TSPEAR: variants seen among roughly 807,000 people sequenced by gnomAD.
TSPEAR encodes the protein thrombospondin-type laminin G domain and EAR repeat-containing protein.
A neutral mutation model predicts 71.6 loss-of-function variants in TSPEAR; 69 were observed. The ratio of observed to expected loss-of-function variants is 0.96; its 90% CI spans 0.79 to 1.18. The LOEUF is 1.18. TSPEAR is among the 50% of genes most tolerant of loss of function. The pLI is 0.00. For missense variants in TSPEAR, 971 were observed against 894.9 expected (o/e 1.09, Z -1.09); for synonymous variants, 402 against 387.2 (o/e 1.04, Z -0.45).
chr21:44,612,417 C>G lies in TSPEAR; in HGVS notation c.83-44412G>C, dbSNP rs141295608. Reference sequence around the variant, plus strand: ...TGCTGCCAGCAGTCTAGCTGCCAGCCGGCTTGCTGCACCTCCTCCCCCTGC... The same window carrying G: ...TGCTGCCAGCAGTCTAGCTGCCAGCGGGCTTGCTGCACCTCCTCCCCCTGC... On this transcript the variant is annotated intron_variant, in intron 1 of 11. Coordinates refer to ENST00000323084, the MANE Select transcript of TSPEAR (RefSeq NM_144991.3). This position sits in a 1 kb window ranked among gnomAD's most constrained non-coding sequence, Gnocchi z 4.1. 6.8e-6 allele frequency: 11 copies of G among 1,613,998 alleles called. No homozygotes were observed. The South Asian group carries it at 1.2e-4, about 18-fold the overall frequency.
chr21:44,567,387 A>G (rs59200198), intron 2 of TSPEAR, among the ~76,000 whole-genome samples: 1 of 152,232 alleles, frequency 6.6e-6, no homozygotes, highest in African/African-American at 2.4e-5. Flanking sequence ...TTCACCTTCC[A>G]AACTAGTAGG....
At chr21:44,518,232 C>T (rs587769073) in intron 9 of TSPEAR, 1 of 439,440 alleles carries the variant, frequency 2.3e-6, no homozygotes, top group Non-Finnish European at 4.6e-6. Context: ...TTTCTTTCAG[C>T]CTTTTTCTTT....
chr21:44,628,978 C>A (rs200222725), intron 1 of TSPEAR, among the ~76,000 whole-genome samples: 241 of 152,176 alleles, frequency 1.6e-3, no homozygotes, highest in Non-Finnish European at 2.9e-3. Context: ...CTCAGGGCGG[C>A]GATGACAGAG....
chr21:44,512,796 A>C (rs1456358704), intron 9 of TSPEAR, among the ~76,000 whole-genome samples: 3 of 152,172 alleles, frequency 2.0e-5, no homozygotes, highest in Admixed American at 6.5e-5. Context: ...GGGGGTGGGC[A>C]TGGAGGTCTG....
At position 44,672,825 on chromosome 21, in the gene TSPEAR, T is replaced by G. The variant is rs587645288; in HGVS notation, c.82+38608A>C. 3.3e-5 allele frequency among the ~76,000 whole-genome samples: 5 copies of G among 152,284 alleles called. No homozygotes were observed. The East Asian group carries it at 9.6e-4, about 29-fold the overall frequency. Reference sequence around the variant, plus strand: ...AGTGAGTTCTCACGAGATCTGGTTGTTTAAATATGTGTAGCACCTCCCCCT... The same window carrying G: ...AGTGAGTTCTCACGAGATCTGGTTGGTTAAATATGTGTAGCACCTCCCCCT... On this transcript the variant is annotated intron_variant, in intron 1 of 11. Transcript: ENST00000323084.
At chr21:44,542,551 C>T (rs1555917315) in intron 2 of TSPEAR, among the ~76,000 whole-genome samples, 1 of 151,786 alleles carries the variant, frequency 6.6e-6, no homozygotes, top group African/African-American at 2.4e-5. Context: ...AGTTGAAGAC[C>T]AGCCAGGACA....
intron 1 of TSPEAR, among the ~76,000 whole-genome samples, chr21:44,578,203 G>T (rs139355907): frequency 2.0e-5 from 3 of 152,274 alleles, no homozygotes; most frequent in Admixed American, 6.5e-5. Context: ...ATGAATAAAA[G>T]GTTGCCACTA....
chr21:44,627,064 T>TA, intron 1 of TSPEAR: 35 of 1,509,144 alleles, frequency 2.3e-5, no homozygotes, highest in Non-Finnish European at 3.1e-5. Context: ...CCAGGAGGGG[T>TA]ATAAAAGCCT....
intron 10 of TSPEAR, chr21:44,508,663 A>G: frequency 1.7e-6 from 2 of 1,196,072 alleles, no homozygotes; most frequent in Non-Finnish European, 2.1e-6. Context: ...GTCTGGAACC[A>G]TCACTTTCTC....
chr21:44,533,278 G>GC, intron 3 of TSPEAR, among the ~76,000 whole-genome samples: 1 of 152,186 alleles, frequency 6.6e-6, no homozygotes, highest in East Asian at 1.9e-4. Flanking sequence ...TGTCCACTCT[G>GC]CCCACAGATG....
At chr21:44,559,504 CCTT>C (rs1447869774) in intron 2 of TSPEAR, among the ~76,000 whole-genome samples, 1 of 152,290 alleles carries the variant, frequency 6.6e-6, no homozygotes, top group Non-Finnish European at 1.5e-5. Flanking sequence ...AGTGTTCACA[CCTT>C]CTCCTCTCAC....
At chr21:44,705,842 T>C (rs1987884782) in intron 1 of TSPEAR, among the ~76,000 whole-genome samples, 1 of 98,298 alleles carries the variant, frequency 1.0e-5, no homozygotes, top group African/African-American at 3.5e-5. Context: ...TATTACCCTG[T>C]TAAGTACTTG....
intron 2 of TSPEAR, chr21:44,558,108 C>T: frequency 6.2e-7 from 1 of 1,610,358 alleles, no homozygotes; most frequent in Admixed American, 1.7e-5. Context: ...GAGGCGGGAG[C>T]ACGTGGGGCG....
intron 8 of TSPEAR, among the ~76,000 whole-genome samples, chr21:44,522,501 C>T (rs2052755878): frequency 6.6e-6 from 1 of 152,250 alleles, no homozygotes; most frequent in African/African-American, 2.4e-5. Context: ...GCCCCTCCCT[C>T]TCAACTGTGG....
intron 9 of TSPEAR, among the ~76,000 whole-genome samples, chr21:44,513,302 C>T (rs868971230): frequency 7.9e-5 from 12 of 152,308 alleles, no homozygotes; most frequent in South Asian, 4.1e-4. Flanking sequence ...TTCTCACATT[C>T]AGAAGTGAGG....
chr21:44,613,162 C>T (rs1303940356), intron 1 of TSPEAR, among the ~76,000 whole-genome samples: 1 of 152,202 alleles, frequency 6.6e-6, no homozygotes, highest in Admixed American at 6.5e-5. Context: ...AACCTCTCAG[C>T]ACCTCCTCCT....
chr21:44,706,082 C>T (rs1987897213), intron 1 of TSPEAR, among the ~76,000 whole-genome samples: 1 of 152,156 alleles, frequency 6.6e-6, no homozygotes, highest in Admixed American at 6.5e-5. Context: ...CGGGGCAGGT[C>T]CCCCGATAAC....
chr21:44,690,500 T>C (rs555936349), intron 1 of TSPEAR: 1 of 958,724 alleles, frequency 1.0e-6, no homozygotes. Flanking sequence ...AAAATCAGAT[T>C]AGCATCAGAC....
chr21:44,646,124 C>CAAAAAAAAAAA (rs55672014), intron 1 of TSPEAR, among the ~76,000 whole-genome samples: 7 of 31,238 alleles, frequency 2.2e-4, no homozygotes, highest in African/African-American at 3.2e-4. Flanking sequence ...GACTCCCTCT[C>CAAAAAAAAAAA]AAAAAAAAAA....
Sources: allele counts gnomAD v4.1 joint callset (sites outside exome capture counted in the v4.1 genomes callset), GRCh38; gene constraint gnomAD v4.1.1; non-coding constraint Gnocchi (gnomAD v3.1); transcripts MANE v1.5; gene names NCBI Gene and HGNC (gene_info 2026-07-23, HGNC 2026-07-21).